Variants in DUT observed in about 807,000 individuals in gnomAD.
DUT encodes the protein deoxyuridine 5'-triphosphate nucleotidohydrolase, mitochondrial.
DUT carries 21 observed loss-of-function variants against 28.8 expected under a neutral mutation model. That is an observed-to-expected ratio of 0.73 (90% CI 0.52 to 1.05). The LOEUF is 1.05. Among genes scored for constraint, DUT ranks in the 50% least tolerant of loss-of-function variants. DUT has a pLI of 0.00. For missense variants in DUT, 344 were observed against 351.8 expected (o/e 0.98, Z 0.18); for synonymous variants, 147 against 143.7 (o/e 1.02, Z -0.17).
chr15:48,340,977 T>C (rs1280078163), intron 4 of DUT, among the ~76,000 whole-genome samples: 1 of 152,188 alleles, frequency 6.6e-6, no homozygotes, highest in Non-Finnish European at 1.5e-5. Flanking sequence ...CCTAGTCTTT[T>C]TGGCAAGTGT....
At chr15:48,335,571 C>T (rs1456320882) in intron 3 of DUT, among the ~76,000 whole-genome samples, 8 of 152,114 alleles carry the variant, frequency 5.3e-5, no homozygotes, top group Non-Finnish European at 7.4e-5. Context: ...TTCCCTCTCC[C>T]TTCCTCTTCC....
At position 48,334,510 on chromosome 15, in the gene DUT, T is replaced by C; in HGVS notation, c.511+2T>C. ...CTTCTGGGTGTTATGGAAGAGTGGGTAAGTCATTTAAGAAACAGGTAACTA... is the reference window on the plus strand; with the variant it reads ...CTTCTGGGTGTTATGGAAGAGTGGGCAAGTCATTTAAGAAACAGGTAACTA... On this transcript the variant is annotated splice_donor_variant, in intron 3 of 6. Transcript: ENST00000331200. LOFTEE classifies it high-confidence loss of function. 6.3e-7 allele frequency: 1 copy of C among 1,593,472 alleles called. No individual in the cohort carries two copies.
At chr15:48,332,668 A>T (rs1013448282) in intron 2 of DUT, 1 of 656,442 alleles carries the variant, frequency 1.5e-6, no homozygotes, top group African/African-American at 1.8e-5. Flanking sequence ...TAAATAGAAG[A>T]TAGAGAGGAA....
intron 4 of DUT, among the ~76,000 whole-genome samples, chr15:48,338,818 T>C (rs28381130): frequency 5.3e-5 from 8 of 152,312 alleles, no homozygotes; most frequent in South Asian, 2.1e-4. Context: ...GTGTCTGATA[T>C]TATGCAAGAG....
Position 48,331,769 on chromosome 15 carries a change from C to T in DUT, c.254C>T (p.Ala85Val). The change falls in exon 1 of 7, where the codon GCG (alanine) becomes GTG (valine). Residue 85 changes from alanine to valine, a missense_variant. Ala to Val is a moderately conservative substitution (Grantham distance 64, BLOSUM62 0). Coordinates refer to ENST00000331200, the MANE Select transcript of DUT (RefSeq NM_001025248.2). ...AAGWKGELPK[A>V]GGSPAPGPET... is the part of the protein sequence containing the mutation. ...GGCTGGAAGGGCGAGCTTCCTAAGG[C>T]GGGGGGAAGCCCGGCGCCGGGGCCG... 1 of 1,388,966 alleles carries T rather than the reference C, an allele frequency of 7.2e-7. No homozygotes were observed. Among genetic ancestry groups the T allele is most frequent in the Non-Finnish European group, 9.3e-7 (1 of 1,076,092 alleles). The allele number at this position is 1,388,966 out of a possible 1,614,324, so 86.0% of individuals were successfully genotyped here. A position where few individuals can be genotyped will look rare whatever the true frequency, so the allele number is the denominator to read the frequency against.
At chr15:48,337,374 G>A (rs1015000271) in intron 4 of DUT, among the ~76,000 whole-genome samples, 4 of 152,202 alleles carry the variant, frequency 2.6e-5, no homozygotes, top group Non-Finnish European at 5.9e-5. Flanking sequence ...AGGAACGGGA[G>A]CTTTGGAATA....
chr15:48,341,782 G>C, intron 6 of DUT, 197 bp downstream of exon 6: 1 of 586,410 alleles, frequency 1.7e-6, no homozygotes, highest in Non-Finnish European at 2.9e-6. Flanking sequence ...TATTACTTTG[G>C]ATAATAAGTT....
At chr15:48,336,319 G>A (rs1341300161) in intron 4 of DUT, among the ~76,000 whole-genome samples, 1 of 152,034 alleles carries the variant, frequency 6.6e-6, no homozygotes, top group Non-Finnish European at 1.5e-5. Flanking sequence ...CAGATTTAAT[G>A]ATATAATAAT....
chr15:48,332,597 A>G, intron 2 of DUT, 191 bp downstream of exon 2: 1 of 695,188 alleles, frequency 1.4e-6, no homozygotes, highest in South Asian at 1.6e-5. Context: ...CTGCAGAATA[A>G]GTAAAATAGC....
At chr15:48,337,086 T>G (rs967334826) in intron 4 of DUT, among the ~76,000 whole-genome samples, 7 of 152,156 alleles carry the variant, frequency 4.6e-5, no homozygotes, top group Admixed American at 1.3e-4. Flanking sequence ...GTCTAACATT[T>G]GGTGGGTGTG....
chr15:48,331,906 G>A, intron 1 of DUT, 111 bp downstream of exon 1: 2 of 570,184 alleles, frequency 3.5e-6, no homozygotes, highest in South Asian at 5.9e-5. Flanking sequence ...GGGCGGGGGG[G>A]GTGGGGTGGT....
At chr15:48,331,349 C>CTG, upstream of DUT, 2 of 1,455,570 alleles carry the variant, frequency 1.4e-6, no homozygotes, top group Non-Finnish European at 1.8e-6. Context: ...GCCCCAGGGC[C>CTG]TGCGCCATCC....
intron 4 of DUT, among the ~76,000 whole-genome samples, chr15:48,340,973 CT>C (rs1225633587): frequency 6.6e-6 from 1 of 152,114 alleles, no homozygotes; most frequent in Non-Finnish European, 1.5e-5. Context: ...TTCTCCTAGT[CT>C]TTTTGGCAAG....
chr15:48,340,827 C>T (rs28381140), intron 4 of DUT, among the ~76,000 whole-genome samples: 2 of 152,306 alleles, frequency 1.3e-5, no homozygotes, highest in Non-Finnish European at 2.9e-5. Flanking sequence ...TGCTGCTTAA[C>T]AATGTCAGCG....
chr15:48,342,603 CTTCTT>C lies in DUT; in HGVS notation c.*528_*532del, dbSNP rs1366719003. 6.6e-6 allele frequency: 1 copy of C among 152,076 alleles called. No individual in the cohort carries two copies. Among genetic ancestry groups the C allele is most frequent in the East Asian group, 1.9e-4 (1 of 5,192 alleles). 9.4% of individuals were successfully genotyped at this position (152,076 alleles called of 1,614,324 possible). The stretch of plus-strand genomic sequence containing the variant: ...TCCCTTCTCTTCACTAGTCTAAAAA[CTTCTT>C]TTTAATCTTAAGATTCTTTGTGATG... On this transcript the variant is annotated 3_prime_UTR_variant, in exon 7 of 7. Transcript: ENST00000331200.
At chr15:48,335,320 T>G (rs984874582) in intron 3 of DUT, among the ~76,000 whole-genome samples, 2 of 152,260 alleles carry the variant, frequency 1.3e-5, no homozygotes, top group Non-Finnish European at 2.9e-5. Flanking sequence ...GCCTGATGCT[T>G]GAGTCTGCAA....
chr15:48,343,276 T>C lies in DUT; in HGVS notation c.*1198T>C, dbSNP rs1438605259. Reference sequence around the variant, plus strand: ...CACATTTCATTAGTGAGCCATGAAATCAACTCAGTGGGACATAGCCAGCAT... The same window carrying C: ...CACATTTCATTAGTGAGCCATGAAACCAACTCAGTGGGACATAGCCAGCAT... On this transcript the variant is annotated 3_prime_UTR_variant, in exon 7 of 7. Transcript: ENST00000331200. 1 of 152,196 alleles carries C rather than the reference T, an allele frequency of 6.6e-6. No homozygotes were observed. The highest frequency in any genetic ancestry group is 2.4e-5 in the African/African-American group (1 of 41,452). 9.4% of individuals were successfully genotyped at this position (152,196 alleles called of 1,614,324 possible).
chr15:48,332,319 G>T lies in DUT; in HGVS notation c.332G>T (p.Gly111Val), dbSNP rs1211286037. The T allele has an allele frequency of 6.2e-7, 1 of 1,608,560 alleles. No individual in the cohort carries two copies. Among genetic ancestry groups the T allele is most frequent in the Non-Finnish European group, 8.5e-7 (1 of 1,178,286 alleles). Residue 111 changes from glycine (G) to valine (V), a missense_variant, in exon 2 of 7, where the codon GGC (glycine) becomes GTC (valine). Coordinates refer to ENST00000331200, the MANE Select transcript of DUT (RefSeq NM_001025248.2). ...SKRARPAEVGGMQLRFARLSE... is the reference protein window; with the variant it reads ...SKRARPAEVGVMQLRFARLSE... ...CGGGCCCGGCCTGCGGAGGTGGGCG[G>T]CATGCAGCTCCGCTTTGCCCGGCTC...
upstream of DUT, chr15:48,331,172 T>A: frequency 6.7e-7 from 1 of 1,493,184 alleles, no homozygotes; most frequent in Admixed American, 2.1e-5. Context: ...GAGTCATGGC[T>A]GCGGGCGGTG....
Sources: allele counts gnomAD v4.1 joint callset (sites outside exome capture counted in the v4.1 genomes callset), GRCh38; gene constraint gnomAD v4.1.1; transcripts MANE v1.5; gene names NCBI Gene and HGNC (gene_info 2026-07-23, HGNC 2026-07-21).